GRK3: variants seen among roughly 807,000 people sequenced by gnomAD.
GRK3 encodes the protein G protein-coupled receptor kinase 3.
In GRK3, 54 loss-of-function variants were observed where a neutral mutation model predicts 95.7. The observed-to-expected ratio is 0.56, with a 90% CI of 0.45 to 0.71. The LOEUF (loss-of-function observed/expected upper bound fraction) is 0.71, where lower values mean the gene tolerates loss of function less well. GRK3 is among the 30% of genes least tolerant of loss of function. The probability of loss-of-function intolerance (pLI) is 0.00; values close to 1 mark genes in which losing one functional copy is unlikely to be tolerated. For synonymous variants in GRK3, 281 were observed against 290.8 expected, an observed-to-expected ratio of 0.97 and a Z score of 0.34; for missense variants, 649 against 851.2, an observed-to-expected ratio of 0.76 and a Z score of 2.96.
At chr22:25,652,611 G>C (rs962447312) in intron 3 of GRK3, among the ~76,000 whole-genome samples, 14 of 152,100 alleles carry the variant, frequency 9.2e-5, no homozygotes, top group Non-Finnish European at 2.1e-4. Flanking sequence ...TTTAGTATAA[G>C]TAATAATTTC....
intron 2 of GRK3, among the ~76,000 whole-genome samples, chr22:25,630,154 G>T (rs1170567648): frequency 1.3e-5 from 2 of 152,062 alleles, no homozygotes; most frequent in Non-Finnish European, 2.9e-5. Context: ...CATGTGTATC[G>T]ATTGGTTGGC....
chr22:25,633,646 C>T (rs1215842489), intron 2 of GRK3, among the ~76,000 whole-genome samples: 1 of 151,816 alleles, frequency 6.6e-6, no homozygotes, highest in African/African-American at 2.4e-5. Context: ...GGAATGTGTA[C>T]CATATATATG....
At chr22:25,646,986 A>T (rs1474439822) in intron 3 of GRK3, among the ~76,000 whole-genome samples, 2 of 142,708 alleles carry the variant, frequency 1.4e-5, no homozygotes, top group Non-Finnish European at 3.0e-5. Flanking sequence ...TTGCCATTGC[A>T]CTCTAGCCTG....
intron 1 of GRK3, among the ~76,000 whole-genome samples, chr22:25,582,049 G>A (rs1434296590): frequency 1.3e-5 from 2 of 152,178 alleles, no homozygotes; most frequent in Admixed American, 6.5e-5. Flanking sequence ...GGCCGAGGCG[G>A]GTGGATCACC....
chr22:25,577,963 T>C (rs113072488), intron 1 of GRK3, among the ~76,000 whole-genome samples: 2,991 of 152,328 alleles, frequency 0.02, 46 homozygotes, highest in Non-Finnish European at 0.028. Context: ...TTTGAAATTA[T>C]TTCATATAAA....
chr22:25,641,221 G>A (rs1256355494), intron 2 of GRK3, among the ~76,000 whole-genome samples: 2 of 152,148 alleles, frequency 1.3e-5, no homozygotes, highest in Admixed American at 6.5e-5. Context: ...TCTACTGACC[G>A]ACAATGGAGA....
At chr22:25,593,728 C>A (rs112855509) in intron 1 of GRK3, among the ~76,000 whole-genome samples, 3,438 of 151,954 alleles carry the variant, frequency 0.023, 59 homozygotes, top group Middle Eastern at 0.068. Flanking sequence ...TTTTTGTTTT[C>A]TTTGCAGTTG....
chr22:25,634,220 GT>G (rs1469062824), intron 2 of GRK3, among the ~76,000 whole-genome samples: 1 of 152,168 alleles, frequency 6.6e-6, no homozygotes, highest in African/African-American at 2.4e-5. Context: ...CCTAACACCT[GT>G]TTTGTTAATT....
At chr22:25,667,652 C>A in intron 5 of GRK3, 87 bp from the exon 6 acceptor site, 1 of 925,502 alleles carries the variant, frequency 1.1e-6, no homozygotes, top group Non-Finnish European at 1.7e-6. Context: ...TAATTGGGAA[C>A]TTCGCTTAAC....
At chr22:25,583,763 C>A (rs1373847750) in intron 1 of GRK3, among the ~76,000 whole-genome samples, 1 of 152,140 alleles carries the variant, frequency 6.6e-6, no homozygotes, top group Non-Finnish European at 1.5e-5. Flanking sequence ...CTATATTAGA[C>A]ATAGCTAATA....
chr22:25,715,584 A>C (rs2085377679), intron 18 of GRK3, among the ~76,000 whole-genome samples: 1 of 152,236 alleles, frequency 6.6e-6, no homozygotes, highest in Admixed American at 6.5e-5. Flanking sequence ...TCAAGTAGGA[A>C]ACATAAGTTT....
At chr22:25,623,491 C>A (rs901203811) in intron 2 of GRK3, among the ~76,000 whole-genome samples, 3 of 152,180 alleles carry the variant, frequency 2.0e-5, no homozygotes, top group African/African-American at 7.2e-5. Flanking sequence ...TGAGCCAGCT[C>A]ATTTCAGTTC....
At chr22:25,597,071 A>T (rs372585103) in intron 1 of GRK3, among the ~76,000 whole-genome samples, 23 of 152,256 alleles carry the variant, frequency 1.5e-4, no homozygotes, top group African/African-American at 5.3e-4. Flanking sequence ...TCAGAAATGT[A>T]TGGTTTTATT....
At position 25,722,681 on chromosome 22, in the gene GRK3, C is replaced by A; in HGVS notation, c.*231C>A. The A allele has an allele frequency of 4.6e-6, 2 of 436,210 alleles. No individual in the cohort carries two copies. Among genetic ancestry groups the A allele is most frequent in the Non-Finnish European group, 8.2e-6 (2 of 244,432 alleles). 27.0% of individuals were successfully genotyped at this position (436,210 alleles called of 1,614,324 possible). A position where few individuals can be genotyped will look rare whatever the true frequency, so the allele number is the denominator to read the frequency against. ...TTTTTCTTTGCTACACACTTTGGTACCTATGAACCTAGAACTTGAAGTGAC... is the reference window on the plus strand; with the variant it reads ...TTTTTCTTTGCTACACACTTTGGTAACTATGAACCTAGAACTTGAAGTGAC... On this transcript the variant is annotated 3_prime_UTR_variant, in exon 21 of 21. Coordinates refer to ENST00000324198, the MANE Select transcript of GRK3 (RefSeq NM_005160.4).
At chr22:25,698,192 GGGAA>G (rs2085226207) in intron 13 of GRK3, among the ~76,000 whole-genome samples, 1 of 149,070 alleles carries the variant, frequency 6.7e-6, no homozygotes, top group Admixed American at 6.7e-5. Context: ...GAGAAAGAAA[GGGAA>G]GGAGGAAGGG....
intron 12 of GRK3, among the ~76,000 whole-genome samples, chr22:25,690,526 C>T (rs982593729): frequency 6.6e-6 from 1 of 152,188 alleles, no homozygotes; most frequent in Non-Finnish European, 1.5e-5. Flanking sequence ...CAGAAACAGT[C>T]AGGACCTCAG....
intron 2 of GRK3, among the ~76,000 whole-genome samples, chr22:25,613,785 A>G (rs1300109826): frequency 6.6e-6 from 1 of 152,202 alleles, no homozygotes; most frequent in Non-Finnish European, 1.5e-5. Context: ...GGGAGCCGCC[A>G]CATGCCCCCG....
intron 3 of GRK3, among the ~76,000 whole-genome samples, chr22:25,655,905 C>T (rs1357826570): frequency 6.6e-6 from 1 of 152,190 alleles, no homozygotes; most frequent in Non-Finnish European, 1.5e-5. Flanking sequence ...CAATTGCTTT[C>T]TAAACCATAG....
At chr22:25,648,193 C>G in intron 3 of GRK3, 2 of 740,470 alleles carry the variant, frequency 2.7e-6, no homozygotes, top group Admixed American at 1.8e-5. Context: ...TATTCCCTCT[C>G]TATTCGTGAT....
Sources: gnomAD v4.1 joint callset for allele counts (sites outside exome capture counted in the v4.1 genomes callset) on GRCh38, gnomAD v4.1.1 for gene constraint, MANE v1.5 for transcripts, NCBI Gene and HGNC (gene_info 2026-07-23, HGNC 2026-07-21) for gene names.